Variants in PALM2AKAP2 observed in about 807,000 individuals in gnomAD.
The protein encoded by PALM2AKAP2 is PALM2-AKAP2 fusion protein.
A neutral mutation model predicts 71.5 loss-of-function variants in PALM2AKAP2; 37 were observed. That is an observed-to-expected ratio of 0.52 (90% CI 0.40 to 0.68). The LOEUF is 0.68. Among genes scored for constraint, PALM2AKAP2 ranks in the 30% least tolerant of loss-of-function variants. The pLI, the probability that PALM2AKAP2 is intolerant of heterozygous loss-of-function variation, is 0.00. For synonymous variants in PALM2AKAP2, 468 were observed against 478.8 expected (o/e 0.98, Z 0.29); for missense variants, 1,224 against 1,191.8 (o/e 1.03, Z -0.40).
chr9:110,094,643 CTA>C (rs1407534677), intron 1 of PALM2AKAP2, among the ~76,000 whole-genome samples: 9 of 120,306 alleles, frequency 7.5e-5, no homozygotes, highest in African/African-American at 2.9e-4. Context: ...TGTGAGAACT[CTA>C]TTATCGGAAT....
chr9:109,861,306 G>A (rs1829301364), intron 1 of PALM2AKAP2, among the ~76,000 whole-genome samples: 2 of 152,154 alleles, frequency 1.3e-5, no homozygotes, highest in African/African-American at 2.4e-5. Context: ...GTCTCAAGGA[G>A]CAAAAAGGTG....
intron 1 of PALM2AKAP2, among the ~76,000 whole-genome samples, chr9:109,861,459 T>A (rs1797414015): frequency 6.6e-6 from 1 of 152,206 alleles, no homozygotes; most frequent in South Asian, 2.1e-4. Flanking sequence ...TTATAACATG[T>A]TCTATCATGT....
chr9:109,668,128 G>T (rs1827517918), intron 1 of PALM2AKAP2, among the ~76,000 whole-genome samples: 1 of 35,308 alleles, frequency 2.8e-5, no homozygotes, highest in Non-Finnish European at 5.2e-5. Flanking sequence ...AGTAGAGACG[G>T]GGTTTCACCG....
Position 110,136,220 on chromosome 9 carries a change from TCC to T in PALM2AKAP2, c.253_254del (p.Pro85ArgfsTer8), listed in dbSNP as rs751627687. On this transcript the variant is annotated frameshift_variant, in exon 2 of 4. Transcript: ENST00000374525. LOFTEE classifies it high-confidence loss of function. Reference sequence around the variant, plus strand: ...CCTGGAGCCTGCTGCCAGCTCTCTTTCCCCAGATCACAAAAACATGGAAATTG... The same window carrying T: ...CCTGGAGCCTGCTGCCAGCTCTCTTTCCAGATCACAAAAACATGGAAATTG... The T allele has an allele frequency of 6.2e-7, 1 of 1,614,124 alleles. No homozygotes were observed. The highest frequency in any genetic ancestry group is 1.7e-5 in the Admixed American group (1 of 60,008).
chr9:109,962,407 G>A (rs1401393983), intron 6 of PALM2AKAP2, among the ~76,000 whole-genome samples: 1 of 152,108 alleles, frequency 6.6e-6, no homozygotes, highest in Non-Finnish European at 1.5e-5. Context: ...TGTAAATAAA[G>A]TTTTATTGGA....
chr9:110,015,176 T>C (rs1045988769), intron 6 of PALM2AKAP2, among the ~76,000 whole-genome samples: 8 of 152,154 alleles, frequency 5.3e-5, no homozygotes, highest in Non-Finnish European at 2.9e-5. Flanking sequence ...AGTAGATATA[T>C]TGAGAACACA....
At position 110,137,332 on chromosome 9, in the gene PALM2AKAP2, C is replaced by G. The variant is rs201181068; in HGVS notation, c.1362C>G (p.Asp454Glu). Residue 454 changes from aspartate (D) to glutamate (E), a missense_variant, in exon 2 of 4, where the codon GAC (aspartate) becomes GAG (glutamate). Physicochemically the swap from Asp to Glu is conservative, Grantham distance 45. Coordinates refer to ENST00000374525, the Ensembl canonical transcript of PALM2AKAP2. ...GGCCTCTGGGGTCAGTCAACTCAGA[C>G]AAGCCACTGACTAATCCGAGACCAC... 8.1e-6 allele frequency: 13 copies of G among 1,613,052 alleles called. No homozygotes were observed. In the East Asian group the frequency reaches 8.9e-5, roughly 11 times the overall value.
intron 6 of PALM2AKAP2, among the ~76,000 whole-genome samples, chr9:109,964,925 C>T (rs1588035886): frequency 6.6e-6 from 1 of 152,148 alleles, no homozygotes; most frequent in Non-Finnish European, 1.5e-5. Context: ...AAATGTCTCC[C>T]TCCTCACCTT....
intron 3 of PALM2AKAP2, among the ~76,000 whole-genome samples, chr9:110,164,056 A>G (rs1300593742): frequency 6.6e-6 from 1 of 152,210 alleles, no homozygotes; most frequent in African/African-American, 2.4e-5. Flanking sequence ...CCTGCTGATT[A>G]TCAGTAATTT....
At chr9:109,683,539 G>A (rs1827767282) in intron 1 of PALM2AKAP2, among the ~76,000 whole-genome samples, 1 of 152,182 alleles carries the variant, frequency 6.6e-6, no homozygotes, top group South Asian at 2.1e-4. Flanking sequence ...CTGACACCCA[G>A]ATTTCAGACT....
intron 1 of PALM2AKAP2, among the ~76,000 whole-genome samples, chr9:109,769,252 C>T (rs776302970): frequency 1.1e-4 from 17 of 152,016 alleles, no homozygotes; most frequent in South Asian, 2.1e-4. Flanking sequence ...AGCAAATAAA[C>T]GTTTCCTCTG....
exon 4 of PALM2AKAP2, chr9:110,170,230 T>TC (rs1156884952): frequency 2.6e-5 from 4 of 152,514 alleles, no homozygotes; most frequent in Non-Finnish European, 5.9e-5. Context: ...TAAACAGCCT[T>TC]CTTTTTTTTT....
intron 6 of PALM2AKAP2, among the ~76,000 whole-genome samples, chr9:109,997,955 A>G (rs1832607022): frequency 6.6e-6 from 1 of 152,232 alleles, no homozygotes; most frequent in Admixed American, 6.5e-5. Flanking sequence ...CTAAGTTCTA[A>G]TGCCCACCCT....
intron 1 of PALM2AKAP2, among the ~76,000 whole-genome samples, chr9:110,072,853 T>G (rs1324217325): frequency 6.6e-6 from 1 of 152,164 alleles, no homozygotes; most frequent in East Asian, 1.9e-4. Flanking sequence ...ATACCCCAAA[T>G]GCCCCTTTTC....
chr9:109,678,309 T>C (rs1302360865), intron 1 of PALM2AKAP2, among the ~76,000 whole-genome samples: 3 of 152,232 alleles, frequency 2.0e-5, no homozygotes, highest in African/African-American at 4.8e-5. Flanking sequence ...TACTAAATAC[T>C]TAAAAGATTT....
chr9:109,963,183 GC>G (rs1050923093), intron 6 of PALM2AKAP2, among the ~76,000 whole-genome samples: 1 of 152,150 alleles, frequency 6.6e-6, no homozygotes, highest in Non-Finnish European at 1.5e-5. Context: ...AATTGACTGA[GC>G]AAAGGGCCTG....
At chr9:110,120,511 CT>C (rs759856281) in intron 1 of PALM2AKAP2, among the ~76,000 whole-genome samples, 7 of 152,134 alleles carry the variant, frequency 4.6e-5, no homozygotes, top group Non-Finnish European at 4.4e-5. Flanking sequence ...AAAGCCTGCC[CT>C]TTGTTTTTGA....
chr9:109,785,745 C>T (rs1826944925), intron 1 of PALM2AKAP2, among the ~76,000 whole-genome samples: 1 of 152,164 alleles, frequency 6.6e-6, no homozygotes, highest in South Asian at 2.1e-4. Flanking sequence ...CCATGTCCCT[C>T]CCACAACACG....
chr9:109,898,633 T>C (rs1481812245), intron 3 of PALM2AKAP2, among the ~76,000 whole-genome samples: 1 of 152,234 alleles, frequency 6.6e-6, no homozygotes, highest in Non-Finnish European at 1.5e-5. Context: ...AACAAGTCTC[T>C]ATACTTTATG....
Sources: allele counts gnomAD v4.1 joint callset (sites outside exome capture counted in the v4.1 genomes callset), GRCh38; gene constraint gnomAD v4.1.1; transcripts MANE v1.5; gene names NCBI Gene and HGNC (gene_info 2026-07-23, HGNC 2026-07-21).